Variants in PDE10A observed in about 807,000 individuals in gnomAD.
PDE10A encodes the protein phosphodiesterase 10A.
Under a neutral mutation model 97.7 loss-of-function variants are expected in PDE10A, and 39 were observed. That is an observed-to-expected ratio of 0.40 (90% CI 0.31 to 0.52). The LOEUF is 0.52. Ranked by LOEUF, PDE10A falls within the 20% of genes least tolerant of loss-of-function variation. The pLI is 0.56. For missense variants in PDE10A, 731 were observed against 1,047.8 expected (o/e 0.70, Z 4.17); for synonymous variants, 371 against 376.8 (o/e 0.98, Z 0.18).
At position 165,597,935 on chromosome 6, in the gene PDE10A, C is replaced by T. The variant is rs116370420; in HGVS notation, c.866-54367G>A. 6.0e-3 allele frequency among the ~76,000 whole-genome samples: 917 copies of T among 152,240 alleles called. 13 individuals carry two copies. The highest frequency in any genetic ancestry group is 0.021 in the African/African-American group (870 of 41,532). ...AACCTGAGGTCAGCTGTGTGTGACC[C>T]ACATGCAAGACTGAAGTAGAACTTG... On this transcript the variant is annotated intron_variant, in intron 1 of 21. Transcript: ENST00000539869.
intron 1 of PDE10A, among the ~76,000 whole-genome samples, chr6:165,921,057 C>T (rs1782739231): frequency 6.6e-6 from 1 of 152,154 alleles, no homozygotes. Context: ...ATAGGAGGAG[C>T]TGGTTGAGGG....
chr6:165,339,238 T>C, intron 20 of PDE10A, 40 bp downstream of exon 20: 1 of 1,154,694 alleles, frequency 8.7e-7, no homozygotes, highest in Non-Finnish European at 1.3e-6. Flanking sequence ...CCTTAAACTA[T>C]TTGGCTTTAG....
At chr6:165,415,729 T>C (rs1788264284) in intron 12 of PDE10A, among the ~76,000 whole-genome samples, 2 of 152,132 alleles carry the variant, frequency 1.3e-5, no homozygotes, top group Admixed American at 1.3e-4. Context: ...CTCAGAGAGA[T>C]TAAGTAACTT....
intron 1 of PDE10A, among the ~76,000 whole-genome samples, chr6:165,940,975 A>G (rs1251818132): frequency 2.6e-5 from 4 of 152,154 alleles, no homozygotes; most frequent in African/African-American, 9.7e-5. Flanking sequence ...CCCACCATCA[A>G]CTTCAGGACT....
intron 1 of PDE10A, among the ~76,000 whole-genome samples, chr6:165,734,950 G>GTAGATAGATAGA (rs60771144): frequency 4.6e-5 from 7 of 150,610 alleles, no homozygotes; most frequent in Admixed American, 2.6e-4. Flanking sequence ...CAATAAGAAA[G>GTAGATAGATAGA]TAGATAGATA....
At chr6:165,541,099 G>C (rs1223618090) in intron 2 of PDE10A, among the ~76,000 whole-genome samples, 1 of 152,138 alleles carries the variant, frequency 6.6e-6, no homozygotes, top group African/African-American at 2.4e-5. Flanking sequence ...CAGAAGACAG[G>C]CTGAAGGGGG....
chr6:165,712,011 A>G (rs1305492232), intron 1 of PDE10A, among the ~76,000 whole-genome samples: 2 of 152,040 alleles, frequency 1.3e-5, no homozygotes, highest in Non-Finnish European at 2.9e-5. Flanking sequence ...ACTGGTCTTT[A>G]TTGCTGATGG....
In PDE10A at chr6:165,837,842, C is replaced by T. The variant is rs975311968; in HGVS notation, c.-615+149687G>A. On this transcript the variant is annotated intron_variant, in intron 1 of 19. Transcript: ENST00000366882. Reference sequence around the variant, plus strand: ...CTGGGACTACAGGCGCCCGCCACCACACCCGGCTAATTTTTTGTATTTTTA... The same window carrying T: ...CTGGGACTACAGGCGCCCGCCACCATACCCGGCTAATTTTTTGTATTTTTA... Among the ~76,000 whole-genome samples, 3 of 151,910 alleles carry T rather than the reference C, an allele frequency of 2.0e-5. 1 individual carries two copies. Among genetic ancestry groups the T allele is most frequent in the African/African-American group, 7.3e-5 (3 of 41,338 alleles).
intron 18 of PDE10A, among the ~76,000 whole-genome samples, chr6:165,377,615 G>A (rs1161294903): frequency 6.6e-6 from 1 of 151,926 alleles, no homozygotes; most frequent in East Asian, 1.9e-4. Flanking sequence ...TCAAGAGGCT[G>A]GATACTAGTT....
At chr6:165,512,639 C>T (rs1781568064) in intron 2 of PDE10A, among the ~76,000 whole-genome samples, 1 of 151,954 alleles carries the variant, frequency 6.6e-6, no homozygotes, top group African/African-American at 2.4e-5. Context: ...CTGAATAATG[C>T]TGCTATGAAG....
At chr6:165,811,973 C>T (rs1197683716) in intron 1 of PDE10A, among the ~76,000 whole-genome samples, 1 of 152,086 alleles carries the variant, frequency 6.6e-6, no homozygotes, top group African/African-American at 2.4e-5. Context: ...CCCACCTAGC[C>T]TCCCGAGTAG....
intron 1 of PDE10A, among the ~76,000 whole-genome samples, chr6:165,875,942 C>T (rs1781334410): frequency 6.6e-6 from 1 of 152,202 alleles, no homozygotes; most frequent in Non-Finnish European, 1.5e-5. Context: ...AAGCCCATGA[C>T]TGTTTCTACC....
Position 165,663,205 on chromosome 6 carries a change from G to A in PDE10A, c.-394C>T, listed in dbSNP as rs965445836. On this transcript the variant is annotated 5_prime_UTR_variant, in exon 1 of 22. Coordinates refer to ENST00000539869, the MANE Select transcript of PDE10A (RefSeq NM_001385079.1). ...AAGCGCCGCAGTGCCGCTGCCCGTG[G>A]AGGCGGTGGTGGCGGCGGCGGCAGA... 5.3e-5 allele frequency among the ~76,000 whole-genome samples: 8 copies of A among 152,072 alleles called. No individual in the cohort carries two copies. Among genetic ancestry groups the A allele is most frequent in the African/African-American group, 1.9e-4 (8 of 41,550 alleles).
intron 2 of PDE10A, among the ~76,000 whole-genome samples, chr6:165,511,265 T>A (rs1291095015): frequency 2.0e-5 from 3 of 152,054 alleles, no homozygotes; most frequent in Non-Finnish European, 4.4e-5. Flanking sequence ...ATTTTCATAT[T>A]AATTTCTTCA....
intron 1 of PDE10A, chr6:165,948,647 C>T (rs1027682019): frequency 1.3e-5 from 2 of 152,408 alleles, no homozygotes; most frequent in African/African-American, 4.8e-5. Flanking sequence ...CATCAAGAAA[C>T]CATCGAGGTG....
At chr6:165,337,039 C>A (rs981863637) in intron 20 of PDE10A, among the ~76,000 whole-genome samples, 4 of 152,054 alleles carry the variant, frequency 2.6e-5, no homozygotes, top group African/African-American at 9.7e-5. Context: ...ATCCTCCCAG[C>A]CCTCTTATTT....
At chr6:165,643,115 C>G (rs768931377) in intron 1 of PDE10A, among the ~76,000 whole-genome samples, 1 of 152,104 alleles carries the variant, frequency 6.6e-6, no homozygotes, top group Non-Finnish European at 1.5e-5. Flanking sequence ...ACTTGCATCC[C>G]TGTAACAATT....
chr6:165,794,189 C>T lies in PDE10A; in HGVS notation c.-615+193340G>A, dbSNP rs558258426. Among the ~76,000 whole-genome samples, 33 of 151,276 alleles carry T rather than the reference C, an allele frequency of 2.2e-4. 1 individual carries two copies. Among genetic ancestry groups the T allele is most frequent in the African/African-American group, 7.0e-4 (29 of 41,230 alleles). On this transcript the variant is annotated intron_variant, in intron 1 of 19. Transcript: ENST00000366882. ...ACTCATACACTCCCTCCCACACTCA[C>T]GCACTCACGCTCACACACACTCATC...
intron 18 of PDE10A, among the ~76,000 whole-genome samples, chr6:165,350,835 C>T (rs1782643735): frequency 6.6e-6 from 1 of 152,186 alleles, no homozygotes; most frequent in South Asian, 2.1e-4. Flanking sequence ...CTCCCTCCTA[C>T]TGCCATGTGA....
Sources: allele counts gnomAD v4.1 joint callset (sites outside exome capture counted in the v4.1 genomes callset), GRCh38; gene constraint gnomAD v4.1.1; transcripts MANE v1.5; gene names NCBI Gene and HGNC (gene_info 2026-07-23, HGNC 2026-07-21).